Variants in LRP1B observed in about 807,000 individuals in gnomAD.
LRP1B encodes low-density lipoprotein receptor-related protein 1B.
In LRP1B, 217 loss-of-function variants were observed where a neutral mutation model predicts 556.6. That is an observed-to-expected ratio of 0.39 (90% CI 0.35 to 0.44). The LOEUF (loss-of-function observed/expected upper bound fraction) is 0.44, where lower values mean the gene tolerates loss of function less well. Ranked by LOEUF, LRP1B falls within the 20% of genes least tolerant of loss-of-function variation. LRP1B has a pLI of 1.00. For missense variants in LRP1B, 5,053 were observed against 5,620.8 expected (o/e 0.90, Z 3.23); for synonymous variants, 2,047 against 1,865.8 (o/e 1.10, Z -2.50).
chr2:141,284,262 T>G (rs561054989), intron 3 of LRP1B, among the ~76,000 whole-genome samples: 42 of 152,242 alleles, frequency 2.8e-4, no homozygotes, highest in African/African-American at 4.3e-4. Flanking sequence ...AAGGAATAAA[T>G]GAAGCAATAA....
At chr2:141,228,993 TAGAG>T (rs1683359024) in intron 6 of LRP1B, among the ~76,000 whole-genome samples, 186 bp downstream of exon 6, 1 of 152,182 alleles carries the variant, frequency 6.6e-6, no homozygotes, top group Non-Finnish European at 1.5e-5. Context: ...CTTATTTAAA[TAGAG>T]AAAGTTTATG....
At chr2:140,708,743 A>G (rs962611492) in intron 37 of LRP1B, among the ~76,000 whole-genome samples, 8 of 151,826 alleles carry the variant, frequency 5.3e-5, no homozygotes, top group Non-Finnish European at 1.2e-4. Flanking sequence ...TATATTTGAT[A>G]TTTTCCTATA....
intron 5 of LRP1B, among the ~76,000 whole-genome samples, chr2:141,236,267 T>C (rs1683645307): frequency 1.3e-5 from 2 of 152,202 alleles, no homozygotes; most frequent in Non-Finnish European, 2.9e-5. Flanking sequence ...GTAATTGACA[T>C]ATGCATTACC....
intron 75 of LRP1B, among the ~76,000 whole-genome samples, chr2:140,356,016 T>C (rs1387571466): frequency 1.3e-5 from 2 of 151,966 alleles, no homozygotes; most frequent in East Asian, 3.9e-4. Flanking sequence ...ACATATTTTT[T>C]CATGAAGCAA....
chr2:140,347,429 A>G (rs1681740239), intron 77 of LRP1B, among the ~76,000 whole-genome samples: 1 of 151,754 alleles, frequency 6.6e-6, no homozygotes, highest in African/African-American at 2.4e-5. Context: ...AACCATTTTC[A>G]TAGATCACAG....
At chr2:141,887,711 G>T (rs1699169316) in intron 1 of LRP1B, among the ~76,000 whole-genome samples, 1 of 152,214 alleles carries the variant, frequency 6.6e-6, no homozygotes, top group African/African-American at 2.4e-5. Flanking sequence ...TTTGCCTAGA[G>T]TTGAGTGATT....
At chr2:141,787,622 C>A (rs13405278) in intron 2 of LRP1B, among the ~76,000 whole-genome samples, 4,878 of 151,848 alleles carry the variant, frequency 0.032, 272 homozygotes, top group African/African-American at 0.11. Flanking sequence ...AAAACAACTT[C>A]TTGGGATAAA....
At chr2:140,245,888 A>G (rs1241922467) in intron 87 of LRP1B, among the ~76,000 whole-genome samples, 2 of 151,276 alleles carry the variant, frequency 1.3e-5, no homozygotes, top group Non-Finnish European at 3.0e-5. Context: ...AGAGCACACA[A>G]ATTCTAAGAT....
rs1684474455 is a variant in LRP1B at position 140,646,107 on chromosome 2, A to G, written c.6800-44468T>C. Among the ~76,000 whole-genome samples, 4 of 152,292 alleles carry G rather than the reference A, an allele frequency of 2.6e-5. No homozygotes were observed. In the South Asian group the frequency reaches 8.3e-4, roughly 32 times the overall value. On this transcript the variant is annotated intron_variant, in intron 41 of 90. Coordinates refer to ENST00000389484, the MANE Select transcript of LRP1B (RefSeq NM_018557.3). ...CTCAAAACTCAGTTCTCGTAATTTC[A>G]TACCCTAAACATGCCAACAGAGAAA...
At chr2:140,276,332 C>T (rs1682671370) in intron 84 of LRP1B, among the ~76,000 whole-genome samples, 1 of 151,808 alleles carries the variant, frequency 6.6e-6, no homozygotes, top group Admixed American at 6.6e-5. Flanking sequence ...TTGCACTGTG[C>T]CAGGTACCTT....
intron 77 of LRP1B, among the ~76,000 whole-genome samples, chr2:140,339,195 T>C (rs1681250067): frequency 1.3e-5 from 2 of 151,924 alleles, no homozygotes; most frequent in Admixed American, 6.6e-5. Flanking sequence ...TAGAGGTTAC[T>C]AGTTTAAATT....
intron 51 of LRP1B, among the ~76,000 whole-genome samples, chr2:140,514,384 A>G (rs187624509): frequency 1.3e-5 from 2 of 152,026 alleles, no homozygotes; most frequent in Non-Finnish European, 1.5e-5. Flanking sequence ...TATTTGCTTC[A>G]AAGAATTCAC....
chr2:141,582,964 T>A (rs1559155955), intron 2 of LRP1B, among the ~76,000 whole-genome samples: 2 of 149,626 alleles, frequency 1.3e-5, no homozygotes, highest in African/African-American at 4.9e-5. Flanking sequence ...GCCTCCTGAG[T>A]AACTGGGACT....
intron 41 of LRP1B, among the ~76,000 whole-genome samples, chr2:140,672,326 A>G (rs1382526841): frequency 6.6e-6 from 1 of 151,980 alleles, no homozygotes; most frequent in South Asian, 2.1e-4. Context: ...TCTACTAAAA[A>G]TACTAAAATT....
intron 5 of LRP1B, among the ~76,000 whole-genome samples, chr2:141,236,931 G>C (rs1203099425): frequency 6.6e-6 from 1 of 152,140 alleles, no homozygotes; most frequent in Non-Finnish European, 1.5e-5. Context: ...ATGTCACATA[G>C]AGAATGGCAT....
chr2:140,254,886 G>A (rs376846708), intron 86 of LRP1B, among the ~76,000 whole-genome samples: 6 of 152,128 alleles, frequency 3.9e-5, no homozygotes, highest in Middle Eastern at 3.4e-3. Flanking sequence ...TCTACATAGC[G>A]ACCAAAATGC....
chr2:140,304,928 CTTGTTTTTGTCAGGT>C (rs1282826301), intron 83 of LRP1B, among the ~76,000 whole-genome samples: 1 of 152,106 alleles, frequency 6.6e-6, no homozygotes, highest in Non-Finnish European at 1.5e-5. Flanking sequence ...TTCCCCATTT[CTTGTTTTTGTCAGGT>C]TTGTCAGAGA....
chr2:140,273,798 C>T (rs1682562389), intron 85 of LRP1B, among the ~76,000 whole-genome samples: 1 of 151,962 alleles, frequency 6.6e-6, no homozygotes, highest in African/African-American at 2.4e-5. Flanking sequence ...AACTGAATGG[C>T]ACAACCCTTT....
At chr2:140,344,112 C>T (rs144442384) in intron 77 of LRP1B, among the ~76,000 whole-genome samples, 1 of 151,718 alleles carries the variant, frequency 6.6e-6, no homozygotes, top group Admixed American at 6.6e-5. Context: ...TCTAAAAATG[C>T]TCTAGATGTA....
Sources: allele counts gnomAD v4.1 joint callset (sites outside exome capture counted in the v4.1 genomes callset), GRCh38; gene constraint gnomAD v4.1.1; transcripts MANE v1.5; gene names NCBI Gene and HGNC (gene_info 2026-07-23, HGNC 2026-07-21).